Variants in PCDHA9 observed in about 807,000 individuals in gnomAD.
PCDHA9 encodes protocadherin alpha 9, also known as protocadherin alpha-9.
PCDHA9 carries 62 observed loss-of-function variants against 62.0 expected under a neutral mutation model. That is an observed-to-expected ratio of 1.00 (90% CI 0.81 to 1.23). PCDHA9 has a LOEUF of 1.23. PCDHA9 is among the 50% of genes most tolerant of loss of function. PCDHA9 has a pLI of 0.00. For synonymous variants in PCDHA9, 557 were observed against 567.6 expected (o/e 0.98, Z 0.27); for missense variants, 1,205 against 1,249.8 (o/e 0.96, Z 0.54).
At chr5:140,964,844 A>G (rs2095857701) in intron 1 of PCDHA9, among the ~76,000 whole-genome samples, 1 of 152,160 alleles carries the variant, frequency 6.6e-6, no homozygotes, top group Admixed American at 6.5e-5. Flanking sequence ...CCTACTCTGT[A>G]CCCTTGAGGA....
At chr5:140,853,149 G>T in intron 1 of PCDHA9, 1 of 844,586 alleles carries the variant, frequency 1.2e-6, no homozygotes, top group Non-Finnish European at 1.5e-6. Flanking sequence ...AAAATGCTGG[G>T]ATTACAGGCG....
chr5:140,876,408 G>T, intron 1 of PCDHA9: 1 of 1,613,942 alleles, frequency 6.2e-7, no homozygotes, highest in Non-Finnish European at 8.5e-7. Flanking sequence ...ATTTTGAAGA[G>T]AATAATGCCT....
rs1353719119 is a variant in PCDHA9 at position 140,850,611 on chromosome 5, G to C, written c.2116G>C (p.Ala706Pro). Reference sequence around the variant, plus strand: ...CGTGTACCTGATCATCGCCATCTGCGCGGTGTCTAGCCTGTTGGTTCTCAC... The same window carrying C: ...CGTGTACCTGATCATCGCCATCTGCCCGGTGTCTAGCCTGTTGGTTCTCAC... ...VNVYLIIAIC[A>P]VSSLLVLTLL... The change falls in exon 1 of 4, where the codon GCG (alanine) becomes CCG (proline). Residue 706 changes from alanine to proline, a missense_variant. Ala to Pro is a conservative substitution (Grantham distance 27). Transcript: ENST00000532602. 1 of 1,598,588 alleles carries C rather than the reference G, an allele frequency of 6.3e-7. No homozygotes were observed. The highest frequency in any genetic ancestry group is 8.6e-7 in the Non-Finnish European group (1 of 1,167,896).
intron 3 of PCDHA9, among the ~76,000 whole-genome samples, chr5:140,985,542 C>T (rs2097157092): frequency 6.6e-6 from 1 of 152,106 alleles, no homozygotes; most frequent in African/African-American, 2.4e-5. Context: ...GGTGAAGATG[C>T]AGTTGCTTCC....
At chr5:140,873,448 T>C (rs917341990) in intron 1 of PCDHA9, among the ~76,000 whole-genome samples, 1 of 152,206 alleles carries the variant, frequency 6.6e-6, no homozygotes, top group East Asian at 1.9e-4. Flanking sequence ...AAATAACAAA[T>C]TTGCATTTTA....
At chr5:140,907,229 A>C (rs1562959472) in intron 1 of PCDHA9, among the ~76,000 whole-genome samples, 1 of 152,180 alleles carries the variant, frequency 6.6e-6, no homozygotes, top group Non-Finnish European at 1.5e-5. Flanking sequence ...AAGTATTGTC[A>C]CCTAGTTGAC....
intron 1 of PCDHA9, among the ~76,000 whole-genome samples, chr5:140,934,198 A>G (rs918942390): frequency 3.7e-4 from 57 of 152,134 alleles, no homozygotes; most frequent in African/African-American, 1.3e-3. Context: ...TTTCATTTCT[A>G]TTTCCTCACA....
intron 1 of PCDHA9, chr5:140,870,884 G>A (rs376620715): frequency 6.5e-5 from 105 of 1,613,948 alleles, no homozygotes; most frequent in Admixed American, 3.3e-4. Context: ...GCGAAGGTGC[G>A]CGCAGTGGAT....
rs60032403 is a variant in PCDHA9 at position 140,941,214 on chromosome 5, C to CCTTT, written c.2395-37696_2395-37693dup. Among the ~76,000 whole-genome samples, 254 of 122,478 alleles carry CCTTT rather than the reference C, an allele frequency of 2.1e-3. 3 individuals carry two copies. The highest frequency in any genetic ancestry group is 3.1e-3 in the Non-Finnish European group (180 of 58,666). 80.4% of individuals were successfully genotyped at this position (122,478 alleles called of 152,430 possible). Reference sequence around the variant, plus strand: ...TTTTTTCTTTCTTCCTTTCTTTCTTCCTTTCTTTCTTTCTTTCTTTCTTTC... The same window carrying CCTTT: ...TTTTTTCTTTCTTCCTTTCTTTCTTCCTTTCTTTCTTTCTTTCTTTCTTTCTTTC... On this transcript the variant is annotated intron_variant, in intron 1 of 3. Coordinates refer to ENST00000532602, the MANE Select transcript of PCDHA9 (RefSeq NM_031857.2).
chr5:140,994,658 T>C (rs2097643677), intron 3 of PCDHA9, among the ~76,000 whole-genome samples: 1 of 152,024 alleles, frequency 6.6e-6, no homozygotes, highest in African/African-American at 2.4e-5. Flanking sequence ...TGAGCTGAGA[T>C]CACACTACTG....
At chr5:140,871,658 C>G in intron 1 of PCDHA9, 2 of 1,224,216 alleles carry the variant, frequency 1.6e-6, no homozygotes, top group Non-Finnish European at 2.2e-6. Context: ...TGATACACAT[C>G]TTCAGTCTTT....
At chr5:140,919,510 T>G (rs750733245) in intron 1 of PCDHA9, among the ~76,000 whole-genome samples, 2 of 152,208 alleles carry the variant, frequency 1.3e-5, no homozygotes, top group Non-Finnish European at 2.9e-5. Context: ...TTTTTCTATA[T>G]GTTTTAATTC....
At chr5:140,882,247 T>C in intron 1 of PCDHA9, 1 of 1,594,292 alleles carries the variant, frequency 6.3e-7, no homozygotes, top group Non-Finnish European at 8.6e-7. Context: ...TGCAGATAGC[T>C]CTGAGGTTTT....
chr5:140,934,833 G>C (rs1584817572), intron 1 of PCDHA9, among the ~76,000 whole-genome samples: 1 of 152,100 alleles, frequency 6.6e-6, no homozygotes, highest in Admixed American at 6.5e-5. Context: ...GGCAAGTTGG[G>C]AACTGTTCAG....
At chr5:140,911,202 A>C (rs1554194649) in intron 1 of PCDHA9, among the ~76,000 whole-genome samples, 1 of 152,184 alleles carries the variant, frequency 6.6e-6, no homozygotes. Flanking sequence ...ACATGTTGCC[A>C]CTACTGGGGA....
At chr5:140,946,631 T>TATACAC (rs57893927) in intron 1 of PCDHA9, among the ~76,000 whole-genome samples, 2 of 131,842 alleles carry the variant, frequency 1.5e-5, no homozygotes, top group Non-Finnish European at 3.1e-5. Flanking sequence ...TATATATATA[T>TATACAC]ACAATGGAAT....
chr5:140,883,746 C>A (rs1554179687), intron 1 of PCDHA9: 1 of 1,613,326 alleles, frequency 6.2e-7, no homozygotes, highest in Non-Finnish European at 8.5e-7. Context: ...GTCTCCTACT[C>A]GCTGGTGGAG....
intron 1 of PCDHA9, among the ~76,000 whole-genome samples, chr5:140,973,020 T>A (rs1057155557): frequency 6.6e-6 from 1 of 152,120 alleles, no homozygotes; most frequent in Non-Finnish European, 1.5e-5. Flanking sequence ...TTGTGATTGT[T>A]AATGAGTCAC....
intron 1 of PCDHA9, among the ~76,000 whole-genome samples, chr5:140,873,569 G>A (rs1419596036): frequency 6.7e-6 from 1 of 148,974 alleles, no homozygotes; most frequent in African/African-American, 2.4e-5. Context: ...TTCTAGTTTG[G>A]TTGTTTAAGT....
Sources: gnomAD v4.1 joint callset for allele counts (sites outside exome capture counted in the v4.1 genomes callset) on GRCh38, gnomAD v4.1.1 for gene constraint, MANE v1.5 for transcripts, NCBI Gene and HGNC (gene_info 2026-07-23, HGNC 2026-07-21) for gene names.